TIAM2: variants seen among roughly 807,000 people sequenced by gnomAD.
The protein encoded by TIAM2 is rho guanine nucleotide exchange factor TIAM2.
Under a neutral mutation model 152.9 loss-of-function variants are expected in TIAM2, and 80 were observed. The ratio of observed to expected loss-of-function variants is 0.52; its 90% CI spans 0.44 to 0.63. TIAM2 has a LOEUF of 0.63. TIAM2 is among the 30% of genes least tolerant of loss of function. TIAM2 has a pLI of 0.00. For missense variants in TIAM2, 1,965 were observed against 2,120.1 expected (o/e 0.93, Z 1.44); for synonymous variants, 804 against 838.0 (o/e 0.96, Z 0.70).
At chr6:155,210,219 T>G (rs1475140674) in intron 14 of TIAM2, among the ~76,000 whole-genome samples, 1 of 152,060 alleles carries the variant, frequency 6.6e-6, no homozygotes, top group African/African-American at 2.4e-5. Context: ...TTATTTAAAT[T>G]TTTTAATGTT....
intron 2 of TIAM2, among the ~76,000 whole-genome samples, chr6:155,103,745 A>AG (rs71023620): frequency 4.7e-5 from 7 of 148,122 alleles, no homozygotes; most frequent in African/African-American, 1.7e-4. Context: ...AAAAAAAAAA[A>AG]GGAATTAGAG....
chr6:155,080,143 A>G (rs1778031903), intron 1 of TIAM2, among the ~76,000 whole-genome samples: 1 of 152,200 alleles, frequency 6.6e-6, no homozygotes, highest in African/African-American at 2.4e-5. Flanking sequence ...CCCTTGCCAG[A>G]GAGGCACGTT....
At chr6:155,196,899 G>A (rs1781358467) in intron 14 of TIAM2, among the ~76,000 whole-genome samples, 2 of 152,354 alleles carry the variant, frequency 1.3e-5, no homozygotes, top group South Asian at 4.1e-4. Context: ...GCATATGGCT[G>A]TTAACATCTT....
At chr6:155,230,264 A>G (rs1040695783) in intron 15 of TIAM2, among the ~76,000 whole-genome samples, 3 of 152,202 alleles carry the variant, frequency 2.0e-5, no homozygotes, top group Non-Finnish European at 4.4e-5. Flanking sequence ...TGGTGTCCAC[A>G]GTTCCTAACT....
chr6:155,078,420 C>T (rs1778000000), intron 1 of TIAM2, among the ~76,000 whole-genome samples: 1 of 152,198 alleles, frequency 6.6e-6, no homozygotes, highest in African/African-American at 2.4e-5. Context: ...GCATCCTTAT[C>T]TGCTTTTCTC....
At chr6:155,148,402 C>A in intron 7 of TIAM2, 68 bp downstream of exon 7, 1 of 1,429,324 alleles carries the variant, frequency 7.0e-7, no homozygotes, top group Non-Finnish European at 9.7e-7. Context: ...TGAACGCATG[C>A]TGTCATCTTG....
rs367738009 is a variant in TIAM2, at chr6:155,129,646, C to T, written c.423C>T (p.Tyr141=). ...RDCNGHLLNC[Y]GRNESIASTP... ...GCAACGGACACCTTCTCAACTGCTA[C>T]GGGAGGAATGAGAGCATTGCCTCCA... The change falls in exon 4 of 27, where the codon TAC becomes TAT. Residue 141 remains tyrosine, a synonymous_variant. Transcript: ENST00000682666. This position sits in a 1 kb window ranked among gnomAD's most constrained non-coding sequence, Gnocchi z 4.8. 6.5e-5 allele frequency: 105 copies of T among 1,614,126 alleles called. 1 individual carries two copies. The East Asian group carries it at 1.6e-3, about 24-fold the overall frequency.
In TIAM2 at chr6:155,213,622, T is replaced by C. The variant is rs1781776064; in HGVS notation, c.3168+2315T>C. On this transcript the variant is annotated intron_variant, in intron 15 of 26. Coordinates refer to ENST00000682666, the MANE Select transcript of TIAM2 (RefSeq NM_012454.4). The surrounding 1 kb of genome is among the most constrained non-coding windows in gnomAD (Gnocchi z 4.2). ...CCCCAGACTTCAGGCCTTCCCCGGC[T>C]TGAAAGTGGGGCTTTTCTGGGGACC... 6.6e-6 allele frequency among the ~76,000 whole-genome samples: 1 copy of C among 152,190 alleles called. No individual in the cohort carries two copies.
intron 14 of TIAM2, among the ~76,000 whole-genome samples, chr6:155,202,777 C>T (rs1472278008): frequency 6.6e-6 from 1 of 151,352 alleles, no homozygotes; most frequent in Non-Finnish European, 1.5e-5. Context: ...ATAGCTCACG[C>T]CTGTAATCCC....
chr6:155,036,131 C>A (rs1186316927), intron 1 of TIAM2, among the ~76,000 whole-genome samples: 1 of 152,052 alleles, frequency 6.6e-6, no homozygotes, highest in Non-Finnish European at 1.5e-5. Context: ...AACAGAGTGG[C>A]CATCCAGCAA....
chr6:155,055,826 A>G (rs2114930335), intron 1 of TIAM2, among the ~76,000 whole-genome samples: 1 of 151,316 alleles, frequency 6.6e-6, no homozygotes, highest in East Asian at 2.0e-4. Context: ...TTTCAGGCAT[A>G]GTGGTGCATG....
intron 13 of TIAM2, 64 bp from the exon 14 acceptor site, chr6:155,183,173 A>C: frequency 6.4e-7 from 1 of 1,561,004 alleles, no homozygotes; most frequent in East Asian, 2.3e-5. Context: ...GCCTTCTTTC[A>C]TCTGAAAATA....
chr6:155,080,441 C>CT (rs530793960), intron 1 of TIAM2, among the ~76,000 whole-genome samples: 246 of 145,172 alleles, frequency 1.7e-3, no homozygotes, highest in African/African-American at 2.8e-3. Context: ...ACATGGCATC[C>CT]TTTTTTTTTT....
chr6:155,137,384 A>G lies in TIAM2; in HGVS notation c.1402A>G (p.Met468Val), dbSNP rs1381120925. The change falls in exon 5 of 27, where the codon ATG becomes GTG. Residue 468 changes from methionine to valine, a missense_variant. Met to Val is a conservative substitution (Grantham distance 21). Transcript: ENST00000682666. ...IYENFMRELE[M>V]SRTNTENIET... is the part of the protein sequence containing the mutation. ...TGAGAATTTCATGCGAGAGTTGGAAATGAGCAGGACCAACACTGAGAACAT... is the reference window on the plus strand; with the variant it reads ...TGAGAATTTCATGCGAGAGTTGGAAGTGAGCAGGACCAACACTGAGAACAT... 3.1e-6 allele frequency: 5 copies of G among 1,614,260 alleles called. No homozygotes were observed. The highest frequency in any genetic ancestry group is 4.2e-6 in the Non-Finnish European group (5 of 1,180,044).
At chr6:155,165,156 G>T (rs972045030) in intron 8 of TIAM2, 107 bp from the exon 9 acceptor site, 20 of 1,210,072 alleles carry the variant, frequency 1.7e-5, no homozygotes, top group East Asian at 1.0e-4. Flanking sequence ...AGGAGCTTTT[G>T]GCGATAGTCA....
At chr6:155,090,935 T>C (rs1178164293) in intron 2 of TIAM2, among the ~76,000 whole-genome samples, 1 of 152,120 alleles carries the variant, frequency 6.6e-6, no homozygotes, top group Non-Finnish European at 1.5e-5. Flanking sequence ...GTGTCGCAGG[T>C]TAAGTACTAA....
At chr6:155,137,058 A>T in intron 4 of TIAM2, 119 bp from the exon 5 acceptor site, 1 of 1,091,050 alleles carries the variant, frequency 9.2e-7, no homozygotes, top group Admixed American at 2.9e-5. Flanking sequence ...TTTTGTTACA[A>T]GAATCTTGCT....
In TIAM2 at chr6:155,256,280, C is replaced by CCTAA. The variant is rs1164065556; in HGVS notation, c.4469-201_4469-198dup. ...CTGGTAATCTAAAAATGCTGAATTGCCTAACTTACAACTGTAAACCTAAGT... is the reference window on the plus strand; with the variant it reads ...CTGGTAATCTAAAAATGCTGAATTGCCTAACTAACTTACAACTGTAAACCTAAGT... On this transcript the variant is annotated intron_variant, in intron 26 of 26. Transcript: ENST00000682666. 4.5e-5 allele frequency: 31 copies of CCTAA among 692,870 alleles called. No individual in the cohort carries two copies. The Admixed American group carries it at 8.6e-4, about 19-fold the overall frequency. The allele number at this position is 692,870 out of a possible 1,614,324, so 42.9% of individuals were successfully genotyped here.
chr6:154,996,114 G>A (rs1345690267), intron 1 of TIAM2, among the ~76,000 whole-genome samples: 1 of 152,192 alleles, frequency 6.6e-6, no homozygotes, highest in Non-Finnish European at 1.5e-5. Context: ...GACACGTTGT[G>A]CCCCTAATGG....
Sources: allele counts gnomAD v4.1 joint callset (sites outside exome capture counted in the v4.1 genomes callset), GRCh38; gene constraint gnomAD v4.1.1; non-coding constraint Gnocchi (gnomAD v3.1); transcripts MANE v1.5; gene names NCBI Gene and HGNC (gene_info 2026-07-23, HGNC 2026-07-21).